SMC2: variants seen among roughly 807,000 people sequenced by gnomAD.
SMC2 encodes structural maintenance of chromosomes 2.
SMC2 carries 41 observed loss-of-function variants against 142.6 expected under a neutral mutation model. The ratio of observed to expected loss-of-function variants is 0.29; its 90% CI spans 0.22 to 0.37. SMC2 has a LOEUF of 0.37. SMC2 is among the 10% of genes least tolerant of loss of function. The pLI, the probability that SMC2 is intolerant of heterozygous loss-of-function variation, is 1.00. For synonymous variants in SMC2, 463 were observed against 457.5 expected (o/e 1.01, Z -0.15); for missense variants, 1,265 against 1,373.7 (o/e 0.92, Z 1.25).
intron 22 of SMC2, among the ~76,000 whole-genome samples, chr9:104,133,587 T>C (rs1835213564): frequency 6.6e-6 from 1 of 152,170 alleles, no homozygotes; most frequent in South Asian, 2.1e-4. Context: ...GTGTTATGCT[T>C]TCAAGTTTGA....
At chr9:104,088,920 A>G in the SMC2 span, among the ~76,000 whole-genome samples, 228 of 152,094 alleles carry the variant, frequency 1.5e-3, 1 homozygote, top group Non-Finnish European at 2.7e-3. Flanking sequence ...ACATCTATCC[A>G]CCAACAAAGT....
rs1317051608 is a variant in SMC2, at chr9:104,125,025, C to G, written c.2371C>G (p.Leu791Val). 2 of 1,606,584 alleles carry G rather than the reference C, an allele frequency of 1.2e-6. No individual in the cohort carries two copies. The highest frequency in any genetic ancestry group is 2.2e-5 in the South Asian group (2 of 89,164). ...TGCAGAAGCTGAAAGAGAGCGAGAACTGAAAGATGCTCAGAAAAAACTGGA... is the reference window on the plus strand; with the variant it reads ...TGCAGAAGCTGAAAGAGAGCGAGAAGTGAAAGATGCTCAGAAAAAACTGGA... ...KNAEAERERELKDAQKKLDCA... is the reference protein window; with the variant it reads ...KNAEAEREREVKDAQKKLDCA... Residue 791 changes from leucine (L) to valine (V), a missense_variant, in exon 18 of 25, where the codon CTG becomes GTG. Leu to Val is a conservative substitution (Grantham distance 32). Coordinates refer to ENST00000374793, the MANE Select transcript of SMC2 (RefSeq NM_006444.3).
chr9:104,140,392 G>A lies in SMC2; in HGVS notation c.*1077G>A, dbSNP rs1835964210. ...TTTTTGGTACGTCATCACTAGAACAGTGACCCCAAACTGAATCATGAAAGG... is the reference window on the plus strand; with the variant it reads ...TTTTTGGTACGTCATCACTAGAACAATGACCCCAAACTGAATCATGAAAGG... On this transcript the variant is annotated 3_prime_UTR_variant, in exon 25 of 25. Transcript: ENST00000374793. 1 of 152,116 alleles carries A rather than the reference G, an allele frequency of 6.6e-6. No homozygotes were observed. Among genetic ancestry groups the A allele is most frequent in the Non-Finnish European group, 1.5e-5 (1 of 68,006 alleles). 9.4% of individuals were successfully genotyped at this position (152,116 alleles called of 1,614,324 possible). A position where few individuals can be genotyped will look rare whatever the true frequency, so the allele number is the denominator to read the frequency against.
intron 9 of SMC2, among the ~76,000 whole-genome samples, chr9:104,106,422 CTTG>C (rs1554697064): frequency 6.6e-6 from 1 of 151,900 alleles, no homozygotes; most frequent in Non-Finnish European, 1.5e-5. Context: ...GAGTTTCACT[CTTG>C]TTGCCCAGGC....
At chr9:104,089,222 G>A in the SMC2 span, among the ~76,000 whole-genome samples, 10 of 152,150 alleles carry the variant, frequency 6.6e-5, no homozygotes, top group African/African-American at 2.4e-4. Context: ...AGAAGATTAA[G>A]TTAGGATATA....
At chr9:104,136,498 G>T (rs1451599915) in intron 23 of SMC2, among the ~76,000 whole-genome samples, 1 of 151,828 alleles carries the variant, frequency 6.6e-6, no homozygotes, top group Admixed American at 6.6e-5. Context: ...CTTCTTACTG[G>T]GACCTATAAA....
At chr9:104,112,457 T>A (rs990188159) in intron 10 of SMC2, among the ~76,000 whole-genome samples, 1 of 152,212 alleles carries the variant, frequency 6.6e-6, no homozygotes, top group Non-Finnish European at 1.5e-5. Context: ...ACATCATTGT[T>A]TTGTTTTTAA....
chr9:104,095,299 G>A (rs1830329481), intron 1 of SMC2, 25 bp from the exon 2 acceptor site: 17 of 1,035,338 alleles, frequency 1.6e-5, no homozygotes, highest in Non-Finnish European at 2.5e-5. Context: ...TTCCACTTAG[G>A]TGGTGGTATT....
intron 8 of SMC2, 64 bp from the exon 9 acceptor site, chr9:104,102,360 A>G: frequency 6.9e-7 from 1 of 1,441,388 alleles, no homozygotes; most frequent in South Asian, 1.3e-5. Context: ...CAGAACTCAT[A>G]CAATAAAATG....
intron 22 of SMC2, among the ~76,000 whole-genome samples, chr9:104,133,555 G>A (rs563454214): frequency 6.6e-6 from 1 of 152,150 alleles, no homozygotes; most frequent in South Asian, 2.1e-4. Flanking sequence ...GAACTTGGCT[G>A]TCAAGTCCTT....
rs1831275537 is a variant in SMC2 at position 104,102,501 on chromosome 9, A to G, written c.948A>G (p.Ala316=). ...GAGTTAATACTAAATCTCAAAGCGC[A>G]TTTGATCTCAAGAAGAAAAATCTGG... ...AQRVNTKSQS[A]FDLKKKNLAC... is the part of the protein sequence containing the mutation. The change falls in exon 9 of 25, where the codon GCA becomes GCG. Residue 316 remains alanine, a synonymous_variant. Coordinates refer to ENST00000374793, the MANE Select transcript of SMC2 (RefSeq NM_006444.3). The G allele has an allele frequency of 2.5e-6, 4 of 1,613,860 alleles. No individual in the cohort carries two copies. Among genetic ancestry groups the G allele is most frequent in the East Asian group, 2.2e-5 (1 of 44,850 alleles).
At chr9:104,112,484 T>G (rs1344280026) in intron 10 of SMC2, among the ~76,000 whole-genome samples, 1 of 152,210 alleles carries the variant, frequency 6.6e-6, no homozygotes, top group Non-Finnish European at 1.5e-5. Context: ...ACACAGATTT[T>G]AAAACATGTA....
In SMC2 at chr9:104,118,153, T is replaced by C; in HGVS notation, c.1792-18T>C. 1 of 1,605,498 alleles carries C rather than the reference T, an allele frequency of 6.2e-7. No homozygotes were observed. Among genetic ancestry groups the C allele is most frequent in the South Asian group, 1.1e-5 (1 of 90,746 alleles). ...AAGTAGTAGTATGTACTGTGGCATA[T>C]CTGTTGTTGTCCCACAGGTTGGCCC... On this transcript the variant is annotated intron_variant, in intron 14 of 24. Coordinates refer to ENST00000374793, the MANE Select transcript of SMC2 (RefSeq NM_006444.3).
intron 6 of SMC2, 83 bp downstream of exon 6, chr9:104,100,286 T>G: frequency 2.2e-6 from 3 of 1,384,714 alleles, no homozygotes; most frequent in Non-Finnish European, 3.0e-6. Flanking sequence ...GAAAAATTTT[T>G]TTCCTTGGTT....
rs547023955 is a variant in SMC2 at position 104,114,761 on chromosome 9, A to G, written c.1603A>G (p.Thr535Ala). ...LVASLISVKD[T>A]SATTALELVA... ...GGCTTCTCTGATTAGTGTGAAAGACACTTCTGCAACCACAGCTTTAGAATT... is the reference window on the plus strand; with the variant it reads ...GGCTTCTCTGATTAGTGTGAAAGACGCTTCTGCAACCACAGCTTTAGAATT... The change falls in exon 13 of 25, where the codon ACT becomes GCT. Residue 535 changes from threonine (T) to alanine (A), a missense_variant. By Grantham distance (58) the Thr-to-Ala change is moderately conservative. Coordinates refer to ENST00000374793, the MANE Select transcript of SMC2 (RefSeq NM_006444.3). 1 of 1,613,208 alleles carries G rather than the reference A, an allele frequency of 6.2e-7. No individual in the cohort carries two copies.
Position 104,118,356 on chromosome 9 carries a change from T to G in SMC2, c.1977T>G (p.Pro659=), listed in dbSNP as rs774704337. 1.2e-6 allele frequency: 2 copies of G among 1,613,182 alleles called. No homozygotes were observed. The highest frequency in any genetic ancestry group is 1.7e-6 in the Non-Finnish European group (2 of 1,179,394). ...TVTLGGDVFD[P]HGTLSGGARS... is the part of the protein sequence containing the mutation. ...CTCTCGGAGGTGATGTGTTTGATCC[T>G]CATGGGACATTGAGTGGAGGTAAGT... is the stretch of plus-strand genomic sequence containing the variant. Residue 659 remains proline, a synonymous_variant, in exon 15 of 25, where the codon CCT becomes CCG. Coordinates refer to ENST00000374793, the MANE Select transcript of SMC2 (RefSeq NM_006444.3).
intron 3 of SMC2, among the ~76,000 whole-genome samples, chr9:104,096,794 T>G (rs1396912360): frequency 6.6e-6 from 1 of 152,224 alleles, no homozygotes; most frequent in Non-Finnish European, 1.5e-5. Context: ...GTTTTAGTTC[T>G]AAGTGAAATC....
intron 10 of SMC2, 27 bp downstream of exon 10, chr9:104,111,841 A>G (rs1447443129): frequency 6.7e-7 from 1 of 1,489,148 alleles, no homozygotes; most frequent in Non-Finnish European, 9.2e-7. Context: ...GCACTATGTG[A>G]TTGCTTTTTT....
chr9:104,111,832 C>T lies in SMC2; in HGVS notation c.1254+18C>T, dbSNP rs1264714560. 5 of 1,524,498 alleles carry T rather than the reference C, an allele frequency of 3.3e-6. No individual in the cohort carries two copies. The African/African-American group carries it at 7.2e-5, about 22-fold the overall frequency. 94.4% of individuals were successfully genotyped at this position (1,524,498 alleles called of 1,614,324 possible). On this transcript the variant is annotated intron_variant, in intron 10 of 24. Coordinates refer to ENST00000374793, the MANE Select transcript of SMC2 (RefSeq NM_006444.3). ...CCAAACAGGTAAATAGAGACATTAG[C>T]ACTATGTGATTGCTTTTTTTTCCAA...
Sources: gnomAD v4.1 joint callset for allele counts (sites outside exome capture counted in the v4.1 genomes callset) on GRCh38, gnomAD v4.1.1 for gene constraint, MANE v1.5 for transcripts, NCBI Gene and HGNC (gene_info 2026-07-23, HGNC 2026-07-21) for gene names.